The following TMEM171 variants were observed in gnomAD, a reference collection of about 807,000 sequenced individuals.
TMEM171 encodes proline-rich protein PRP2.
TMEM171 carries 16 observed loss-of-function variants against 19.1 expected under a neutral mutation model. That is an observed-to-expected ratio of 0.84 (90% CI 0.57 to 1.27). The LOEUF (loss-of-function observed/expected upper bound fraction) is 1.27. Among genes scored for constraint, TMEM171 ranks in the 50% most tolerant of loss-of-function variants. TMEM171 has a pLI of 0.00. For synonymous variants in TMEM171, 153 were observed against 163.4 expected, an observed-to-expected ratio of 0.94 and a Z score of 0.48; for missense variants, 429 against 412.7, an observed-to-expected ratio of 1.04 and a Z score of -0.34.
rs2112920364 is a variant in TMEM171, at chr5:73,123,769, G to T, written c.396G>T (p.Trp132Cys). 4.3e-6 allele frequency: 7 copies of T among 1,613,670 alleles called. No individual in the cohort carries two copies. The highest frequency in any genetic ancestry group is 5.1e-6 in the Non-Finnish European group (6 of 1,179,648). ...TGCTCATCAGCGTCCTGGGCATTTG[G>T]GTCCCTGGATGTGGCTCCAACTGGG... Reference protein sequence around the residue: ...SGMLISVLGIWVPGCGSNWAQ... With the variant: ...SGMLISVLGICVPGCGSNWAQ... Residue 132 changes from tryptophan to cysteine, a missense_variant, in exon 2 of 4, where the codon TGG becomes TGT. Transcript: ENST00000454765.
intron 2 of TMEM171, among the ~76,000 whole-genome samples, chr5:73,127,668 C>T (rs1335361558): frequency 9.9e-5 from 15 of 151,384 alleles, no homozygotes; most frequent in Non-Finnish European, 2.2e-4. Context: ...TGGTCTTGAA[C>T]TCCTGACCTC....
chr5:73,123,825 G>C lies in TMEM171; in HGVS notation c.452G>C (p.Gly151Ala). The C allele has an allele frequency of 6.2e-7, 1 of 1,612,750 alleles. No individual in the cohort carries two copies. Among genetic ancestry groups the C allele is most frequent in the Non-Finnish European group, 8.5e-7 (1 of 1,179,200 alleles). The stretch of plus-strand genomic sequence containing the variant: ...GAACCGCTAAACGAGACAGACACTG[G>C]CGACTCAGAGCCCCGGATGTGTGGG... ...AQEPLNETDT[G>A]DSEPRMCGFL... is the part of the protein sequence containing the mutation. The change falls in exon 2 of 4, where the codon GGC (glycine) becomes GCC (alanine). Residue 151 changes from glycine (G) to alanine (A), a missense_variant. Coordinates refer to ENST00000454765, the MANE Select transcript of TMEM171 (RefSeq NM_173490.8).
At chr5:73,130,266 G>C (rs1744297217) in intron 3 of TMEM171, among the ~76,000 whole-genome samples, 1 of 152,158 alleles carries the variant, frequency 6.6e-6, no homozygotes, top group Non-Finnish European at 1.5e-5. Context: ...GAGACCCCCA[G>C]GAGGGGCTTG....
chr5:73,128,278 A>G, intron 2 of TMEM171, 112 bp from the exon 3 acceptor site: 3 of 1,243,004 alleles, frequency 2.4e-6, no homozygotes, highest in South Asian at 1.4e-5. Context: ...AGTTAGCAGC[A>G]GGTGTGTTGA....
At chr5:73,124,735 C>A (rs1018624580) in intron 2 of TMEM171, among the ~76,000 whole-genome samples, 1 of 152,218 alleles carries the variant, frequency 6.6e-6, no homozygotes, top group Non-Finnish European at 1.5e-5. Context: ...GGAATGCCTA[C>A]AAGTTCCTTT....
intron 2 of TMEM171, among the ~76,000 whole-genome samples, chr5:73,127,383 A>AT (rs57720254): frequency 0.15 from 14,871 of 98,982 alleles, 1,204 homozygotes; most frequent in Middle Eastern, 0.24. Context: ...AAAAAAAAAA[A>AT]AATATATATA....
chr5:73,131,203 A>G (rs998970770), intron 3 of TMEM171, among the ~76,000 whole-genome samples: 1 of 150,486 alleles, frequency 6.6e-6, no homozygotes, highest in African/African-American at 2.5e-5. Flanking sequence ...GTCCCAGAAG[A>G]CAGAATAGCA....
chr5:73,123,524 C>T lies in TMEM171; in HGVS notation c.151C>T (p.Pro51Ser). ...TGGGTTCCAGGCATGCCAATATAAG[C>T]CCCTCCCAGACTGCCCCATGGTGCT... is the stretch of plus-strand genomic sequence containing the variant. ...IFGFQACQYKPLPDCPMVLKV... is the reference protein window; with the variant it reads ...IFGFQACQYKSLPDCPMVLKV... The change falls in exon 2 of 4, where the codon CCC becomes TCC. Residue 51 changes from proline to serine, a missense_variant. By Grantham distance (74) the Pro-to-Ser change is moderately conservative (BLOSUM62 -1). Transcript: ENST00000454765. 6.2e-7 allele frequency: 1 copy of T among 1,614,202 alleles called. No individual in the cohort carries two copies. The highest frequency in any genetic ancestry group is 2.2e-5 in the East Asian group (1 of 44,880).
Position 73,123,593 on chromosome 5 carries a change from G to C in TMEM171, c.220G>C (p.Val74Leu). The change falls in exon 2 of 4, where the codon GTG becomes CTG. Residue 74 changes from valine (V) to leucine (L), a missense_variant. Coordinates refer to ENST00000454765, the MANE Select transcript of TMEM171 (RefSeq NM_173490.8). ...ATGTGCCGTGGTTGGGCTTGGGGCT[G>C]TGATCCTGGCCCGCTCCCGGGCGCA... ...PACAVVGLGAVILARSRAQLQ... is the reference protein window; with the variant it reads ...PACAVVGLGALILARSRAQLQ... The C allele has an allele frequency of 6.2e-7, 1 of 1,614,234 alleles. No individual in the cohort carries two copies. Among genetic ancestry groups the C allele is most frequent in the Non-Finnish European group, 8.5e-7 (1 of 1,180,040 alleles).
rs923815723 is a variant in TMEM171 at position 73,131,799 on chromosome 5, A to G, written c.*69A>G. ...TTATTTAATTTTTTTTAAATAAAAA[A>G]TACAATAGCATTGGCTATATTCTGA... On this transcript the variant is annotated 3_prime_UTR_variant, in exon 4 of 4. Coordinates refer to ENST00000454765, the MANE Select transcript of TMEM171 (RefSeq NM_173490.8). The G allele has an allele frequency of 4.4e-6, 6 of 1,376,858 alleles. No individual in the cohort carries two copies. The African/African-American group carries it at 8.9e-5, about 20-fold the overall frequency. The allele number at this position is 1,376,858 out of a possible 1,614,324, so 85.3% of individuals were successfully genotyped here.
intron 2 of TMEM171, among the ~76,000 whole-genome samples, 196 bp from the exon 3 acceptor site, chr5:73,128,194 C>T (rs541662784): frequency 1.3e-5 from 2 of 152,308 alleles, no homozygotes; most frequent in East Asian, 3.9e-4. Context: ...TCCTCCCGAA[C>T]CCCTCCTAGC....
At chr5:73,127,373 A>AG (rs1173325973) in intron 2 of TMEM171, among the ~76,000 whole-genome samples, 16 of 76,580 alleles carry the variant, frequency 2.1e-4, no homozygotes, top group African/African-American at 7.8e-4. Context: ...TTGTGGTAAA[A>AG]AAAAAAAAAA....
intron 2 of TMEM171, 111 bp downstream of exon 2, chr5:73,124,124 TCA>T (rs566563213): frequency 7.2e-4 from 702 of 976,814 alleles, no homozygotes; most frequent in Non-Finnish European, 9.8e-4. Flanking sequence ...CTTCCATCTC[TCA>T]CACATGTGTG....
chr5:73,124,896 A>G (rs1744121845), intron 2 of TMEM171, among the ~76,000 whole-genome samples: 1 of 152,204 alleles, frequency 6.6e-6, no homozygotes, highest in Non-Finnish European at 1.5e-5. Context: ...TCAGTCTCCT[A>G]CTTTTGAAAG....
At chr5:73,129,878 C>A (rs1173800199) in intron 3 of TMEM171, among the ~76,000 whole-genome samples, 5 of 152,210 alleles carry the variant, frequency 3.3e-5, no homozygotes, top group African/African-American at 1.2e-4. Context: ...CGCTCCTTCC[C>A]TGGGCCGCAG....
intron 2 of TMEM171, 72 bp downstream of exon 2, chr5:73,124,085 G>C: frequency 7.7e-7 from 1 of 1,302,828 alleles, no homozygotes; most frequent in South Asian, 1.6e-5. Context: ...AGCTGCTCTT[G>C]GTTCTCGTCT....
intron 1 of TMEM171, 57 bp downstream of exon 1, chr5:73,120,753 G>C: frequency 1.0e-6 from 1 of 984,108 alleles, no homozygotes; most frequent in South Asian, 4.7e-5. Flanking sequence ...GCGCTGAGCT[G>C]TGCGGCCAGG....
Position 73,128,525 on chromosome 5 carries a change from A to T in TMEM171, c.776A>T (p.Asn259Ile). The T allele has an allele frequency of 6.2e-7, 1 of 1,614,014 alleles. No individual in the cohort carries two copies. The highest frequency in any genetic ancestry group is 8.5e-7 in the Non-Finnish European group (1 of 1,179,918). ...CCCCCTTCATATTACAGTATTTTCA[A>T]CTATGGGTAAGAATTTCAATTTGAA... Reference protein sequence around the residue: ...ENPPSYYSIFNYGRTPTSEGA... With the variant: ...ENPPSYYSIFIYGRTPTSEGA... The change falls in exon 3 of 4, where the codon AAC becomes ATC. Residue 259 changes from asparagine to isoleucine, a missense_variant. Asn to Ile is a moderately radical substitution (Grantham distance 149). Coordinates refer to ENST00000454765, the MANE Select transcript of TMEM171 (RefSeq NM_173490.8).
At chr5:73,128,623 G>A (rs776274158) in intron 3 of TMEM171, 92 bp downstream of exon 3, 8 of 1,495,098 alleles carry the variant, frequency 5.4e-6, no homozygotes, top group East Asian at 2.3e-5. Context: ...ATTCAAGTGT[G>A]AGTATCTTTT....
Sources: gnomAD v4.1 joint callset for allele counts (sites outside exome capture counted in the v4.1 genomes callset) on GRCh38, gnomAD v4.1.1 for gene constraint, MANE v1.5 for transcripts, NCBI Gene and HGNC (gene_info 2026-07-23, HGNC 2026-07-21) for gene names.